The following EYA1 variants were observed in gnomAD, a reference collection of about 807,000 sequenced individuals.
EYA1 encodes the protein protein phosphatase EYA1.
In EYA1, 16 loss-of-function variants were observed where a neutral mutation model predicts 82.0. That is an observed-to-expected ratio of 0.20 (90% CI 0.13 to 0.30). The LOEUF is 0.30. Among genes scored for constraint, EYA1 ranks in the 10% least tolerant of loss-of-function variants. The probability of loss-of-function intolerance (pLI) is 1.00; values close to 1 mark genes in which losing one functional copy is unlikely to be tolerated. For missense variants in EYA1, 633 were observed against 730.7 expected, an observed-to-expected ratio of 0.87 and a Z score of 1.54; for synonymous variants, 261 against 264.4, an observed-to-expected ratio of 0.99 and a Z score of 0.12.
intron 2 of EYA1, among the ~76,000 whole-genome samples, chr8:71,502,790 A>C (rs1811907334): frequency 6.6e-6 from 1 of 152,168 alleles, no homozygotes; most frequent in African/African-American, 2.4e-5. Flanking sequence ...ACCGCCAGTC[A>C]ACAACTCTGC....
At chr8:71,230,763 T>C (rs911878849) in intron 12 of EYA1, among the ~76,000 whole-genome samples, 2 of 152,254 alleles carry the variant, frequency 1.3e-5, no homozygotes, top group Non-Finnish European at 2.9e-5. Flanking sequence ...CTGCTCCAAA[T>C]GGCCACAGTT....
chr8:71,337,856 A>T (rs1824673657), intron 3 of EYA1, among the ~76,000 whole-genome samples: 1 of 152,238 alleles, frequency 6.6e-6, no homozygotes. Flanking sequence ...CTTTGGAACT[A>T]TCAGTTGAAT....
At chr8:71,349,895 G>A (rs910476433) in intron 3 of EYA1, among the ~76,000 whole-genome samples, 13 of 152,108 alleles carry the variant, frequency 8.5e-5, no homozygotes, top group African/African-American at 3.1e-4. Flanking sequence ...ATAAGTATTA[G>A]CCAGCATTAT....
chr8:71,485,576 A>T (rs988657289), intron 2 of EYA1, among the ~76,000 whole-genome samples: 4 of 127,460 alleles, frequency 3.1e-5, no homozygotes, highest in East Asian at 2.5e-4. Context: ...TAAACCATTT[A>T]AAAAAAAAAG....
intron 2 of EYA1, among the ~76,000 whole-genome samples, chr8:71,532,379 C>A (rs1006871091): frequency 1.3e-5 from 2 of 152,162 alleles, no homozygotes; most frequent in African/African-American, 4.8e-5. Flanking sequence ...TATTGCCAGC[C>A]TCCTCCTCAG....
In EYA1 at chr8:71,267,794, C is replaced by T. The variant is rs200911720; in HGVS notation, c.1050+1946G>A. ...CGATCTCCTGACCTCGTGATCCACCCGCCTTGGCCTCCCAAAGTGCTGGGA... is the reference window on the plus strand; with the variant it reads ...CGATCTCCTGACCTCGTGATCCACCTGCCTTGGCCTCCCAAAGTGCTGGGA... On this transcript the variant is annotated intron_variant, in intron 11 of 17. Transcript: ENST00000340726. Among the ~76,000 whole-genome samples the T allele has an allele frequency of 2.0e-4, 30 of 152,208 alleles. No individual in the cohort carries two copies. The East Asian group carries it at 5.2e-3, about 26-fold the overall frequency.
At chr8:71,288,279 T>C (rs1818610287) in intron 9 of EYA1, among the ~76,000 whole-genome samples, 1 of 152,146 alleles carries the variant, frequency 6.6e-6, no homozygotes, top group South Asian at 2.1e-4. Context: ...TATGATAACT[T>C]GTATCCCTAA....
At chr8:71,526,578 G>T (rs1381802737) in intron 2 of EYA1, among the ~76,000 whole-genome samples, 1 of 152,178 alleles carries the variant, frequency 6.6e-6, no homozygotes, top group East Asian at 1.9e-4. Flanking sequence ...TGATCTGCTT[G>T]TAAGATGGCT....
intron 11 of EYA1, among the ~76,000 whole-genome samples, chr8:71,268,552 G>T (rs1056371006): frequency 6.6e-6 from 1 of 152,108 alleles, no homozygotes; most frequent in Admixed American, 6.5e-5. Flanking sequence ...TGATTCTATG[G>T]CCTTATATTT....
chr8:71,320,614 T>C (rs1216522213), intron 6 of EYA1, among the ~76,000 whole-genome samples: 4 of 152,102 alleles, frequency 2.6e-5, no homozygotes, highest in Non-Finnish European at 4.4e-5. Context: ...CTAGAAAACA[T>C]TGGTTCTGAT....
intron 3 of EYA1, among the ~76,000 whole-genome samples, chr8:71,342,079 A>G (rs951976854): frequency 2.0e-5 from 3 of 152,186 alleles, no homozygotes; most frequent in Non-Finnish European, 2.9e-5. Flanking sequence ...AACATATGCA[A>G]TCTGAGAAGA....
At chr8:71,499,354 C>T (rs546809285) in intron 2 of EYA1, among the ~76,000 whole-genome samples, 16 of 152,146 alleles carry the variant, frequency 1.1e-4, no homozygotes, top group Non-Finnish European at 2.1e-4. Flanking sequence ...CAGATATTTT[C>T]GTAAATGCCT....
In EYA1 at chr8:71,199,354, G is replaced by T; in HGVS notation, c.1765C>A (p.Leu589Met). Residue 589 changes from leucine (L) to methionine (M), a missense_variant, in exon 18 of 18, where the codon CTG becomes ATG. Transcript: ENST00000340726. ...DLMALHHALE[L>M]EYL ...GCCGAGCGCTGTTACAGGTACTCCA[G>T]TTCCAAGGCATGGTGCAGGGCCATG... The T allele has an allele frequency of 1.2e-6, 2 of 1,612,142 alleles. No individual in the cohort carries two copies. Among genetic ancestry groups the T allele is most frequent in the Non-Finnish European group, 1.7e-6 (2 of 1,179,028 alleles).
chr8:71,464,517 G>A lies in EYA1; in HGVS notation c.33+71227C>T, dbSNP rs1242736286. 3.9e-5 allele frequency among the ~76,000 whole-genome samples: 6 copies of A among 152,180 alleles called. No individual in the cohort carries two copies. The East Asian group carries it at 7.7e-4, about 20-fold the overall frequency. ...AGCCAAACTCAACAGGCAATGCAAC[G>A]GGCCTAGTTGGCCCAATAGATATAG... On this transcript the variant is annotated intron_variant, in intron 2 of 18. Transcript: ENST00000643681.
chr8:71,373,122 T>C (rs1169700008), intron 2 of EYA1, among the ~76,000 whole-genome samples: 2 of 152,042 alleles, frequency 1.3e-5, no homozygotes, highest in Admixed American at 6.6e-5. Flanking sequence ...AAATAGTACT[T>C]GAAGTATTCA....
chr8:71,417,512 T>C (rs1219361325), intron 2 of EYA1, among the ~76,000 whole-genome samples: 3 of 152,228 alleles, frequency 2.0e-5, no homozygotes, highest in Non-Finnish European at 4.4e-5. Flanking sequence ...TCAAAATTTA[T>C]TTAGACAATT....
chr8:71,245,743 T>A (rs553861827), intron 11 of EYA1, among the ~76,000 whole-genome samples: 2 of 152,082 alleles, frequency 1.3e-5, no homozygotes. Context: ...CCTGTCAATT[T>A]TAAGTGTACT....
At chr8:71,509,145 C>T (rs1812412670) in intron 2 of EYA1, among the ~76,000 whole-genome samples, 1 of 152,016 alleles carries the variant, frequency 6.6e-6, no homozygotes, top group South Asian at 2.1e-4. Context: ...CAGAGAATCC[C>T]TTGAGCCCAA....
intron 11 of EYA1, among the ~76,000 whole-genome samples, chr8:71,247,038 A>C (rs1813185840): frequency 6.9e-6 from 1 of 145,580 alleles, no homozygotes; most frequent in Non-Finnish European, 1.5e-5. Flanking sequence ...CATCTCTCTA[A>C]TACTTCCTAC....
Sources: gnomAD v4.1 joint callset for allele counts (sites outside exome capture counted in the v4.1 genomes callset) on GRCh38, gnomAD v4.1.1 for gene constraint, MANE v1.5 for transcripts, NCBI Gene and HGNC (gene_info 2026-07-23, HGNC 2026-07-21) for gene names.